FGF14: variants seen among roughly 807,000 people sequenced by gnomAD.
FGF14 encodes the protein fibroblast growth factor 14.
FGF14 carries 5 observed loss-of-function variants against 25.5 expected under a neutral mutation model. That is an observed-to-expected ratio of 0.20 (90% CI 0.10 to 0.41). FGF14 has a LOEUF of 0.41. Among genes scored for constraint, FGF14 ranks in the 10% least tolerant of loss-of-function variants. The probability of loss-of-function intolerance (pLI) is 1.00; values close to 1 mark genes in which losing one functional copy is unlikely to be tolerated. For missense variants in FGF14, 222 were observed against 320.1 expected (o/e 0.69, Z 2.34); for synonymous variants, 138 against 118.3 (o/e 1.17, Z -1.08).
chr13:101,728,431 T>A (rs1198798563), intron 3 of FGF14, among the ~76,000 whole-genome samples: 1 of 152,030 alleles, frequency 6.6e-6, no homozygotes, highest in East Asian at 1.9e-4. Flanking sequence ...CCATATATCC[T>A]CCAATTAGTT....
At chr13:101,924,733 T>C (rs763283624) in intron 1 of FGF14, among the ~76,000 whole-genome samples, 2 of 152,176 alleles carry the variant, frequency 1.3e-5, no homozygotes, top group Non-Finnish European at 2.9e-5. Context: ...GAAGAGGCAA[T>C]TAAGCCCCAG....
chr13:102,237,586 A>AC (rs142973359), intron 1 of FGF14, among the ~76,000 whole-genome samples: 1 of 6,010 alleles, frequency 1.7e-4, no homozygotes, highest in Non-Finnish European at 2.4e-4. Flanking sequence ...TACACTTCAG[A>AC]AAAAAAAAAA....
chr13:102,258,355 C>T (rs2052551406), intron 1 of FGF14, among the ~76,000 whole-genome samples: 1 of 152,106 alleles, frequency 6.6e-6, no homozygotes, highest in South Asian at 2.1e-4. Context: ...CCAGTGTGGC[C>T]AGGAGGCCAA....
intron 1 of FGF14, among the ~76,000 whole-genome samples, chr13:101,944,283 TATC>T (rs1294322750): frequency 6.6e-6 from 1 of 152,200 alleles, no homozygotes; most frequent in Admixed American, 6.5e-5. Flanking sequence ...GCAAAGATTA[TATC>T]ATTGTAATGT....
At chr13:102,271,901 A>G (rs549136883) in intron 1 of FGF14, among the ~76,000 whole-genome samples, 1 of 152,162 alleles carries the variant, frequency 6.6e-6, no homozygotes, top group South Asian at 2.1e-4. Flanking sequence ...CTCCTAACCT[A>G]AGTCTCTGCT....
upstream of FGF14, chr13:102,402,221 T>C (rs1261831222): frequency 1.9e-5 from 3 of 158,488 alleles, no homozygotes; most frequent in African/African-American, 7.3e-5. Flanking sequence ...CAGTGCTCAG[T>C]GGGATCGGTT....
chr13:102,089,047 A>C (rs956667323), intron 1 of FGF14, among the ~76,000 whole-genome samples: 1 of 152,108 alleles, frequency 6.6e-6, no homozygotes, highest in Non-Finnish European at 1.5e-5. Context: ...TACTTCTAAA[A>C]CCCAGTTTTC....
rs117668424 is a variant in FGF14 at position 101,724,104 on chromosome 13, G to A, written c.608-1137C>T. Among the ~76,000 whole-genome samples the A allele has an allele frequency of 9.5e-3, 1,444 of 152,066 alleles. 11 individuals are homozygous for A. The highest frequency in any genetic ancestry group is 0.017 in the Middle Eastern group (5 of 294). ...CTAAGGTAGCAAAAGGAACTAATGCGTATCCTGAAAGCACATTCCAATCCC... is the reference window on the plus strand; with the variant it reads ...CTAAGGTAGCAAAAGGAACTAATGCATATCCTGAAAGCACATTCCAATCCC... On this transcript the variant is annotated intron_variant, in intron 4 of 4. Coordinates refer to ENST00000376143, the MANE Select transcript of FGF14 (RefSeq NM_004115.4).
chr13:101,804,187 C>T (rs1236055041), intron 3 of FGF14, among the ~76,000 whole-genome samples: 1 of 152,130 alleles, frequency 6.6e-6, no homozygotes, highest in African/African-American at 2.4e-5. Flanking sequence ...ACTTGCAGTA[C>T]TTAGAGACCT....
Position 102,161,570 on chromosome 13 carries a change from A to AAGAAGAAAAGAAGAAGAAAAGAAG in FGF14, c.208+239900_208+239901insCTTCTTTTCTTCTTCTTTTCTTCT. On this transcript the variant is annotated intron_variant, in intron 1 of 4. Coordinates refer to the FGF14 transcript ENST00000376131. ...TCTATGCAACCAACTTTCTGTGAAG[A>AAGAAGAAAAGAAGAAGAAAAGAAG]AAGAAAGAAGAAGAAGAAGAAGAAG... is the stretch of plus-strand genomic sequence containing the variant. Among the ~76,000 whole-genome samples the AAGAAGAAAAGAAGAAGAAAAGAAG allele has an allele frequency of 7.1e-4, 4 of 5,652 alleles. 1 individual carries two copies. The highest frequency in any genetic ancestry group is 9.6e-4 in the Non-Finnish European group (4 of 4,184). The allele number at this position is 5,652 out of a possible 152,430, so 3.7% of individuals were successfully genotyped here.
intron 1 of FGF14, among the ~76,000 whole-genome samples, chr13:102,307,130 GA>G (rs2138633167): frequency 6.6e-6 from 1 of 152,226 alleles, no homozygotes; most frequent in South Asian, 2.1e-4. Flanking sequence ...CACAAGCAAG[GA>G]TGGCAGAGAG....
intron 1 of FGF14, among the ~76,000 whole-genome samples, chr13:102,164,247 T>G (rs1380620831): frequency 6.6e-6 from 1 of 152,202 alleles, no homozygotes; most frequent in Non-Finnish European, 1.5e-5. Flanking sequence ...TAGCCAAGCC[T>G]GACTTCTAAA....
chr13:102,371,105 C>A (rs912067129), intron 1 of FGF14, among the ~76,000 whole-genome samples: 1 of 152,112 alleles, frequency 6.6e-6, no homozygotes. Flanking sequence ...ATTTCATATT[C>A]CAGGTATATT....
intron 1 of FGF14, among the ~76,000 whole-genome samples, chr13:101,929,750 T>C (rs528870438): frequency 5.9e-4 from 90 of 152,370 alleles, no homozygotes; most frequent in African/African-American, 2.1e-3. Context: ...TATATGCACA[T>C]ATATACATGC....
chr13:101,720,350 A>C lies in FGF14; in HGVS notation c.*2481T>G, dbSNP rs1229478337. On this transcript the variant is annotated 3_prime_UTR_variant, in exon 5 of 5. Coordinates refer to ENST00000376143, the MANE Select transcript of FGF14 (RefSeq NM_004115.4). ...AAAGTATTTGACATCCTTCATAGGGATAAATGCCCTTATAGACACCCCATA... is the reference window on the plus strand; with the variant it reads ...AAAGTATTTGACATCCTTCATAGGGCTAAATGCCCTTATAGACACCCCATA... 6.6e-6 allele frequency: 1 copy of C among 152,156 alleles called. No homozygotes were observed. Among genetic ancestry groups the C allele is most frequent in the African/African-American group, 2.4e-5 (1 of 41,456 alleles). 9.4% of individuals were successfully genotyped at this position (152,156 alleles called of 1,614,324 possible).
At chr13:101,907,500 G>C (rs1277976989) in intron 1 of FGF14, among the ~76,000 whole-genome samples, 1 of 152,180 alleles carries the variant, frequency 6.6e-6, no homozygotes, top group East Asian at 1.9e-4. Flanking sequence ...GGTAGGATAA[G>C]AACTGAAAAC....
chr13:101,789,562 A>G (rs1019661061), intron 3 of FGF14, among the ~76,000 whole-genome samples: 1 of 152,164 alleles, frequency 6.6e-6, no homozygotes, highest in Non-Finnish European at 1.5e-5. Context: ...GTAAGTTTCT[A>G]AATTCTTCTC....
rs147336202 is a variant in FGF14 at position 101,745,275 on chromosome 13, A to T, written c.409-18465T>A. ...AGAATTCCCATATACCCACTGCCCC[A>T]TGCCTAACTCCTCCCCATTATCAGC... On this transcript the variant is annotated intron_variant, in intron 3 of 4. Transcript: ENST00000376143. Among the ~76,000 whole-genome samples the T allele has an allele frequency of 2.7e-3, 412 of 152,092 alleles. 3 individuals are homozygous for T. Among genetic ancestry groups the T allele is most frequent in the African/African-American group, 9.3e-3 (386 of 41,544 alleles).
intron 1 of FGF14, among the ~76,000 whole-genome samples, chr13:102,169,758 T>C (rs2048171222): frequency 6.6e-6 from 1 of 152,110 alleles, no homozygotes; most frequent in Non-Finnish European, 1.5e-5. Context: ...GAAAGTTCTT[T>C]CAGGAATTCA....
Sources: allele counts gnomAD v4.1 joint callset (sites outside exome capture counted in the v4.1 genomes callset), GRCh38; gene constraint gnomAD v4.1.1; transcripts MANE v1.5; gene names NCBI Gene and HGNC (gene_info 2026-07-23, HGNC 2026-07-21).